The following CDH12 variants were observed in gnomAD, a reference collection of about 807,000 sequenced individuals.
CDH12 encodes cadherin-12.
A neutral mutation model predicts 74.1 loss-of-function variants in CDH12; 41 were observed. The ratio of observed to expected loss-of-function variants is 0.55; its 90% CI spans 0.43 to 0.72. The LOEUF (loss-of-function observed/expected upper bound fraction) is 0.72. Among genes scored for constraint, CDH12 ranks in the 30% least tolerant of loss-of-function variants. CDH12 has a pLI of 0.00. For missense variants in CDH12, 945 were observed against 977.2 expected, an observed-to-expected ratio of 0.97 and a Z score of 0.44; for synonymous variants, 399 against 355.0, an observed-to-expected ratio of 1.12 and a Z score of -1.39.
intron 5 of CDH12, among the ~76,000 whole-genome samples, chr5:22,017,698 T>C (rs1236428835): frequency 6.6e-6 from 1 of 151,796 alleles, no homozygotes; most frequent in African/African-American, 2.4e-5. Context: ...ATATTGACAG[T>C]AAGTCGATGC....
In CDH12 at chr5:22,760,816, G is replaced by A. The variant is rs183507412; in HGVS notation, c.-523+92242C>T. Among the ~76,000 whole-genome samples the A allele has an allele frequency of 2.3e-3, 345 of 151,788 alleles. 3 individuals are homozygous for A. The highest frequency in any genetic ancestry group is 8.1e-3 in the African/African-American group (334 of 41,372). ...CTTAAACAGTGTAGTGTGCAATTGA[G>A]TAACTGAAATTGAATGTGTACCAGA... On this transcript the variant is annotated intron_variant, in intron 1 of 14. Coordinates refer to ENST00000382254, the MANE Select transcript of CDH12 (RefSeq NM_004061.5).
At chr5:22,802,276 C>T (rs1288617680) in intron 1 of CDH12, among the ~76,000 whole-genome samples, 1 of 151,886 alleles carries the variant, frequency 6.6e-6, no homozygotes, top group Admixed American at 6.6e-5. Flanking sequence ...CGCCCGCCAC[C>T]ACACCCGGCT....
At chr5:21,792,290 C>T (rs955507317) in intron 10 of CDH12, among the ~76,000 whole-genome samples, 1 of 151,916 alleles carries the variant, frequency 6.6e-6, no homozygotes, top group East Asian at 1.9e-4. Flanking sequence ...TCCTACTTTC[C>T]TATCAATTTC....
At chr5:21,757,282 T>C (rs773309631) in intron 13 of CDH12, among the ~76,000 whole-genome samples, 3 of 152,130 alleles carry the variant, frequency 2.0e-5, no homozygotes, top group African/African-American at 4.8e-5. Context: ...TTCAAGCGAT[T>C]CTCCTGCCTC....
chr5:22,476,857 C>A (rs1561433549), intron 2 of CDH12, among the ~76,000 whole-genome samples: 1 of 151,994 alleles, frequency 6.6e-6, no homozygotes, highest in Non-Finnish European at 1.5e-5. Flanking sequence ...AAGTGGATTC[C>A]AAACTACAGA....
chr5:22,291,489 A>G (rs988125019), intron 3 of CDH12, among the ~76,000 whole-genome samples: 2 of 152,194 alleles, frequency 1.3e-5, no homozygotes, highest in Admixed American at 1.3e-4. Context: ...TGCTGTTAGA[A>G]TTAGTATTTC....
chr5:21,871,332 A>G (rs1335094809), intron 6 of CDH12, among the ~76,000 whole-genome samples: 1 of 152,156 alleles, frequency 6.6e-6, no homozygotes, highest in Non-Finnish European at 1.5e-5. Flanking sequence ...GAAAAGGTGA[A>G]AAAACATAGC....
intron 6 of CDH12, among the ~76,000 whole-genome samples, chr5:21,953,931 T>C (rs1755981836): frequency 6.6e-6 from 1 of 152,136 alleles, no homozygotes; most frequent in South Asian, 2.1e-4. Context: ...AGACTATATC[T>C]ATGAAAAAAT....
At chr5:22,474,276 A>T (rs1295677483) in intron 2 of CDH12, among the ~76,000 whole-genome samples, 1 of 152,148 alleles carries the variant, frequency 6.6e-6, no homozygotes, top group African/African-American at 2.4e-5. Flanking sequence ...AAAAGCCAAG[A>T]ACTGTATTTT....
chr5:21,930,005 C>T (rs984090133), intron 6 of CDH12, among the ~76,000 whole-genome samples: 13 of 152,204 alleles, frequency 8.5e-5, no homozygotes, highest in Non-Finnish European at 1.2e-4. Flanking sequence ...GGCAGCACAA[C>T]TCCATTTACT....
intron 4 of CDH12, among the ~76,000 whole-genome samples, chr5:22,194,098 G>A (rs1342271735): frequency 6.6e-6 from 1 of 152,122 alleles, no homozygotes; most frequent in African/African-American, 2.4e-5. Flanking sequence ...CATTGGAGAT[G>A]AGTCCTGTCC....
intron 4 of CDH12, among the ~76,000 whole-genome samples, chr5:22,187,666 AAAG>A (rs1172769641): frequency 6.2e-5 from 7 of 113,170 alleles, no homozygotes; most frequent in East Asian, 4.3e-4. Flanking sequence ...AAAAAAAAAG[AAAG>A]AAAGAAAGAA....
chr5:21,907,021 G>C (rs570921363), intron 6 of CDH12, among the ~76,000 whole-genome samples: 1 of 152,272 alleles, frequency 6.6e-6, no homozygotes, highest in South Asian at 2.1e-4. Context: ...AAAAGCAGCA[G>C]CGACTGCGCT....
At chr5:22,237,728 T>G (rs1411304853) in intron 3 of CDH12, among the ~76,000 whole-genome samples, 1 of 152,208 alleles carries the variant, frequency 6.6e-6, no homozygotes, top group Non-Finnish European at 1.5e-5. Context: ...TATGAAACAT[T>G]GTATCCATGA....
intron 7 of CDH12, among the ~76,000 whole-genome samples, chr5:21,846,225 C>T (rs976446638): frequency 6.6e-6 from 1 of 152,118 alleles, no homozygotes; most frequent in Non-Finnish European, 1.5e-5. Flanking sequence ...TCTTTTGTGC[C>T]CTGTGTAAAT....
At chr5:22,277,867 G>C (rs575283570) in intron 3 of CDH12, 3 of 158,242 alleles carry the variant, frequency 1.9e-5, no homozygotes, top group Non-Finnish European at 2.7e-5. Context: ...ACAAACAAAC[G>C]AAACAATCAA....
chr5:21,873,074 T>C (rs1751731944), intron 6 of CDH12, among the ~76,000 whole-genome samples: 1 of 152,202 alleles, frequency 6.6e-6, no homozygotes, highest in Non-Finnish European at 1.5e-5. Context: ...ATCAACACTG[T>C]AATTAAATAT....
rs528145495 is a variant in CDH12 at position 22,520,020 on chromosome 5, C to CT, written c.-522-14657dup. On this transcript the variant is annotated intron_variant, in intron 1 of 14. Transcript: ENST00000382254. ...AAATGTTTCTCTGTTAAAATTTACT[C>CT]TATGATGAGAAAAAGCTATAACCAA... Among the ~76,000 whole-genome samples the CT allele has an allele frequency of 3.2e-3, 487 of 151,960 alleles. 2 individuals are homozygous for CT. The highest frequency in any genetic ancestry group is 0.011 in the African/African-American group (463 of 41,450).
At chr5:22,139,229 A>G (rs1580309946) in intron 4 of CDH12, 1 of 149,972 alleles carries the variant, frequency 6.7e-6, no homozygotes, top group Admixed American at 6.7e-5. Context: ...CTGAGCACAT[A>G]CATTGTCGGC....
Sources: allele counts gnomAD v4.1 joint callset (sites outside exome capture counted in the v4.1 genomes callset), GRCh38; gene constraint gnomAD v4.1.1; transcripts MANE v1.5; gene names NCBI Gene and HGNC (gene_info 2026-07-23, HGNC 2026-07-21).